The following SEMA3A variants were observed in gnomAD, a reference collection of about 807,000 sequenced individuals.
SEMA3A encodes the protein semaphorin-3A.
SEMA3A carries 29 observed loss-of-function variants against 97.9 expected under a neutral mutation model. The observed-to-expected ratio is 0.30, with a 90% CI of 0.22 to 0.40. The LOEUF (loss-of-function observed/expected upper bound fraction) is 0.40. Among genes scored for constraint, SEMA3A ranks in the 10% least tolerant of loss-of-function variants. SEMA3A has a pLI of 1.00. For synonymous variants in SEMA3A, 321 were observed against 323.7 expected, an observed-to-expected ratio of 0.99 and a Z score of 0.09; for missense variants, 763 against 951.3, an observed-to-expected ratio of 0.80 and a Z score of 2.60.
intron 3 of SEMA3A, among the ~76,000 whole-genome samples, chr7:84,291,295 T>A (rs1238897103): frequency 6.6e-6 from 1 of 152,168 alleles, no homozygotes; most frequent in Non-Finnish European, 1.5e-5. Flanking sequence ...ATTTGCATGA[T>A]ATAGATTTGC....
At chr7:84,199,378 G>A (rs12707629), upstream of SEMA3A, among the ~76,000 whole-genome samples, 9,722 of 152,156 alleles carry the variant, frequency 0.064, 381 homozygotes, top group African/African-American at 0.1. Flanking sequence ...CTCAGAAGCA[G>A]ATGACCTCTT....
intron 3 of SEMA3A, among the ~76,000 whole-genome samples, chr7:84,211,413 C>A (rs1310974647): frequency 6.6e-6 from 1 of 151,546 alleles, no homozygotes; most frequent in Non-Finnish European, 1.5e-5. Flanking sequence ...GAGTTCGAGA[C>A]CAGCCTGGCC....
chr7:84,113,838 C>T (rs1795345867), intron 3 of SEMA3A, among the ~76,000 whole-genome samples: 1 of 152,076 alleles, frequency 6.6e-6, no homozygotes, highest in South Asian at 2.1e-4. Flanking sequence ...CCAGTAAAAT[C>T]CAAGGCCACA....
At chr7:84,247,360 G>T (rs964266859) in intron 3 of SEMA3A, among the ~76,000 whole-genome samples, 6 of 151,902 alleles carry the variant, frequency 3.9e-5, no homozygotes, top group African/African-American at 1.5e-4. Context: ...GTCATATTTG[G>T]TTCTAGTCCA....
intron 3 of SEMA3A, among the ~76,000 whole-genome samples, chr7:84,209,164 C>A (rs536802104): frequency 6.6e-6 from 1 of 152,194 alleles, no homozygotes; most frequent in South Asian, 2.1e-4. Flanking sequence ...AATGAAACTA[C>A]AAAGTAGAGA....
At chr7:84,090,935 C>T (rs554269091) in intron 4 of SEMA3A, among the ~76,000 whole-genome samples, 1 of 151,148 alleles carries the variant, frequency 6.6e-6, no homozygotes, top group East Asian at 2.0e-4. Context: ...GGCGTGGTGG[C>T]TCATGCTTGT....
chr7:84,194,501 A>T lies in SEMA3A; in HGVS notation c.86T>A (p.Val29Glu). The T allele has an allele frequency of 6.2e-7, 1 of 1,610,866 alleles. No individual in the cohort carries two copies. The highest frequency in any genetic ancestry group is 8.5e-7 in the Non-Finnish European group (1 of 1,177,094). ...TTTGTAGGATAATTTCAGCCTTGGC[A>T]CATTGTTCTTCCCATTCTGATAGTT... ...RANYQNGKNN[V>E]PRLKLSYKEM... Residue 29 changes from valine to glutamate, a missense_variant, in exon 1 of 17, where the codon GTG becomes GAG. Physicochemically the swap from Val to Glu is moderately radical, Grantham distance 121. Around this residue, in one of 2 missense-constraint regions of SEMA3A, gnomAD observed 85 missense variants for 70.0 expected, o/e 1.21. Transcript: ENST00000265362.
At position 83,961,805 on chromosome 7, in the gene SEMA3A, T is replaced by C; in HGVS notation, c.1882A>G (p.Ile628Val). The change falls in exon 17 of 17, where the codon ATC becomes GTC. Residue 628 changes from isoleucine (I) to valine (V), a missense_variant. Coordinates refer to ENST00000265362, the MANE Select transcript of SEMA3A (RefSeq NM_006080.3). ...KEEIRVDDHIIRTDQGLLLRS... is the reference protein window; with the variant it reads ...KEEIRVDDHIVRTDQGLLLRS... ...AGCAGAAGGCCTTGATCTGTCCTGA[T>C]GATATGATCATCCACTCTGATCTAG... 6.2e-7 allele frequency: 1 copy of C among 1,613,574 alleles called. No homozygotes were observed. Among genetic ancestry groups the C allele is most frequent in the African/African-American group, 1.3e-5 (1 of 75,004 alleles).
chr7:84,371,827 C>G (rs1802984993), exon 2 of SEMA3A: 1 of 152,002 alleles, frequency 6.6e-6, no homozygotes, highest in Admixed American at 6.6e-5. Flanking sequence ...CACTTACCTG[C>G]TAAAGGGCCT....
chr7:84,188,756 C>A (rs1234410395), intron 1 of SEMA3A, among the ~76,000 whole-genome samples: 3 of 151,774 alleles, frequency 2.0e-5, no homozygotes, highest in Admixed American at 6.6e-5. Flanking sequence ...ACATATCAAG[C>A]CTTATTTAAG....
intron 2 of SEMA3A, among the ~76,000 whole-genome samples, chr7:84,336,604 C>T (rs1223091099): frequency 6.6e-6 from 1 of 152,052 alleles, no homozygotes; most frequent in Non-Finnish European, 1.5e-5. Context: ...GGACAGTGTT[C>T]TATGAGCCTG....
At chr7:84,357,038 T>A (rs1037455335) in intron 2 of SEMA3A, among the ~76,000 whole-genome samples, 1 of 151,824 alleles carries the variant, frequency 6.6e-6, no homozygotes, top group African/African-American at 2.4e-5. Context: ...TAAGTCCATC[T>A]GAGCACCACA....
chr7:84,464,665 TATG>T (rs1206391992), intron 1 of SEMA3A, among the ~76,000 whole-genome samples: 1 of 152,200 alleles, frequency 6.6e-6, no homozygotes, highest in African/African-American at 2.4e-5. Flanking sequence ...TAAATAGTAA[TATG>T]ATCTGTATTT....
At chr7:83,980,623 A>AAAAAAAAAAAATATATAT (rs1310318006) in intron 14 of SEMA3A, among the ~76,000 whole-genome samples, 5 of 71,752 alleles carry the variant, frequency 7.0e-5, no homozygotes, top group African/African-American at 3.3e-4. Context: ...AAAAAAAAAA[A>AAAAAAAAAAAATATATAT]ATATATATAT....
chr7:84,068,275 G>T (rs985552025), intron 4 of SEMA3A, among the ~76,000 whole-genome samples: 2 of 146,258 alleles, frequency 1.4e-5, no homozygotes, highest in African/African-American at 5.2e-5. Flanking sequence ...GACTGTTGTG[G>T]GGTGGGGTGA....
intron 15 of SEMA3A, among the ~76,000 whole-genome samples, chr7:83,965,178 A>G (rs1257833072): frequency 1.3e-5 from 2 of 150,826 alleles, no homozygotes; most frequent in Non-Finnish European, 2.9e-5. Flanking sequence ...TGACCTCGTG[A>G]TCCGCCCGCC....
intron 2 of SEMA3A, among the ~76,000 whole-genome samples, chr7:84,338,722 A>G (rs566961408): frequency 6.6e-5 from 10 of 152,332 alleles, no homozygotes; most frequent in African/African-American, 9.6e-5. Context: ...TTCCAGTTCT[A>G]TCTTCACATG....
At chr7:84,305,074 G>A (rs1801118315) in intron 3 of SEMA3A, among the ~76,000 whole-genome samples, 1 of 151,928 alleles carries the variant, frequency 6.6e-6, no homozygotes, top group Admixed American at 6.6e-5. Context: ...GGAAATAAAT[G>A]TATCATGGAT....
chr7:84,134,263 T>C (rs1031155071), intron 2 of SEMA3A, among the ~76,000 whole-genome samples: 8 of 152,188 alleles, frequency 5.3e-5, no homozygotes, highest in African/African-American at 1.9e-4. Flanking sequence ...TGTAGACCAG[T>C]TGATACCCTT....
Sources: gnomAD v4.1 joint callset for allele counts (sites outside exome capture counted in the v4.1 genomes callset) on GRCh38, gnomAD v4.1.1 for gene constraint, gnomAD v4.1.1 regional missense constraint, MANE v1.5 for transcripts, NCBI Gene and HGNC (gene_info 2026-07-23, HGNC 2026-07-21) for gene names.